The following SDK1 variants were observed in gnomAD, a reference collection of about 807,000 sequenced individuals.
SDK1 encodes the protein protein sidekick-1.
A neutral mutation model predicts 245.5 loss-of-function variants in SDK1; 157 were observed. The observed-to-expected ratio is 0.64, with a 90% confidence interval of 0.56 to 0.73. The LOEUF (loss-of-function observed/expected upper bound fraction) is 0.73, where lower values mean the gene tolerates loss of function less well. SDK1 is among the 30% of genes least tolerant of loss of function. SDK1 has a pLI of 0.00. For synonymous variants in SDK1, 1,647 were observed against 1,278.5 expected (o/e 1.29, Z -6.15); for missense variants, 3,583 against 3,002.3 (o/e 1.19, Z -4.52).
chr7:3,985,520 C>T (rs1480580728), intron 13 of SDK1, among the ~76,000 whole-genome samples: 1 of 152,144 alleles, frequency 6.6e-6, no homozygotes, highest in Non-Finnish European at 1.5e-5. Context: ...GGTGCAGTGG[C>T]TCATGCTTAT....
chr7:3,967,643 C>T (rs946095401), intron 10 of SDK1, among the ~76,000 whole-genome samples: 4 of 152,214 alleles, frequency 2.6e-5, no homozygotes, highest in Non-Finnish European at 5.9e-5. Context: ...CCAGTGGGGG[C>T]TGATGGTCTA....
chr7:4,174,380 G>T (rs1340985653), intron 33 of SDK1, 23 bp downstream of exon 33: 1 of 1,611,840 alleles, frequency 6.2e-7, no homozygotes, highest in African/African-American at 1.3e-5. Flanking sequence ...CCTCTGTCCT[G>T]GTACAGGGAG....
At chr7:3,685,257 G>C (rs912365541) in intron 4 of SDK1, among the ~76,000 whole-genome samples, 12 of 151,764 alleles carry the variant, frequency 7.9e-5, no homozygotes, top group Admixed American at 7.9e-4. Flanking sequence ...ATAAGGGCAG[G>C]TGAAAATGAC....
intron 1 of SDK1, among the ~76,000 whole-genome samples, chr7:3,505,657 G>C (rs775588578): frequency 1.3e-5 from 2 of 152,160 alleles, no homozygotes; most frequent in African/African-American, 4.8e-5. Context: ...CCACTTGTAT[G>C]CTGATTTTTT....
chr7:3,697,128 T>C (rs1028399413), intron 4 of SDK1, among the ~76,000 whole-genome samples: 1 of 152,214 alleles, frequency 6.6e-6, no homozygotes, highest in African/African-American at 2.4e-5. Context: ...ACAGTAAAAG[T>C]AGGGGAAGTG....
In SDK1 at chr7:3,903,863, A is replaced by G. The variant is rs566265302; in HGVS notation, c.848-47060A>G. On this transcript the variant is annotated intron_variant, in intron 5 of 44. Transcript: ENST00000404826. ...TCCCTTGGGAGTGAGTTCTTGCCCT[A>G]TTGGTTCCTGAGAGAGCTGGTTGTT... Among the ~76,000 whole-genome samples, 22 of 152,064 alleles carry G rather than the reference A, an allele frequency of 1.4e-4. 1 individual carries two copies. Among genetic ancestry groups the G allele is most frequent in the South Asian group, 6.3e-4 (3 of 4,800 alleles).
intron 2 of SDK1, among the ~76,000 whole-genome samples, chr7:3,635,460 A>C (rs1428354877): frequency 6.6e-6 from 1 of 152,238 alleles, no homozygotes; most frequent in African/African-American, 2.4e-5. Flanking sequence ...ACTTGAATAA[A>C]AACATGAGCA....
chr7:3,587,635 G>A (rs546260141), intron 1 of SDK1, among the ~76,000 whole-genome samples: 1 of 152,308 alleles, frequency 6.6e-6, no homozygotes, highest in East Asian at 1.9e-4. Context: ...ATCGGGGATG[G>A]CCGTCTGTTT....
intron 19 of SDK1, among the ~76,000 whole-genome samples, chr7:4,062,022 A>T (rs1451464750): frequency 1.3e-5 from 2 of 149,920 alleles, no homozygotes; most frequent in Admixed American, 1.3e-4. Flanking sequence ...TAGGAGATAT[A>T]CCTAATGCTA....
chr7:4,165,916 G>A (rs749067249), intron 32 of SDK1, among the ~76,000 whole-genome samples: 3 of 152,088 alleles, frequency 2.0e-5, no homozygotes, highest in Non-Finnish European at 4.4e-5. Context: ...CCTCCCCAGT[G>A]TCTAGGACTA....
chr7:3,445,822 G>GTT (rs1407683409), intron 1 of SDK1, among the ~76,000 whole-genome samples: 3 of 151,918 alleles, frequency 2.0e-5, no homozygotes, highest in African/African-American at 7.2e-5. Context: ...AGTCTATTGT[G>GTT]TTTACCCATA....
intron 3 of SDK1, 50 bp from the exon 4 acceptor site, chr7:3,641,908 T>TC: frequency 6.5e-7 from 1 of 1,531,384 alleles, no homozygotes; most frequent in South Asian, 1.2e-5. Flanking sequence ...ACCCCTTCCC[T>TC]CCCCCAAAAA....
intron 1 of SDK1, among the ~76,000 whole-genome samples, chr7:3,510,187 C>T (rs1027165958): frequency 1.3e-5 from 2 of 152,190 alleles, no homozygotes; most frequent in Non-Finnish European, 2.9e-5. Flanking sequence ...TTAATTCAAA[C>T]CATTATGTGC....
At chr7:3,522,296 G>C (rs1583993560) in intron 1 of SDK1, among the ~76,000 whole-genome samples, 1 of 152,132 alleles carries the variant, frequency 6.6e-6, no homozygotes, top group Non-Finnish European at 1.5e-5. Context: ...TGAATATAGA[G>C]AGAGCTAAAA....
intron 35 of SDK1, among the ~76,000 whole-genome samples, chr7:4,195,262 C>T (rs902405155): frequency 1.3e-5 from 2 of 152,292 alleles, no homozygotes; most frequent in Admixed American, 6.5e-5. Flanking sequence ...ACCGTGATTT[C>T]TTATAGTCAC....
At chr7:3,798,974 C>T (rs962700755) in intron 4 of SDK1, among the ~76,000 whole-genome samples, 1 of 152,174 alleles carries the variant, frequency 6.6e-6, no homozygotes, top group African/African-American at 2.4e-5. Flanking sequence ...GGTCATTTTT[C>T]TCTTCCCCTC....
At chr7:3,747,265 C>G (rs1329512678) in intron 4 of SDK1, among the ~76,000 whole-genome samples, 1 of 152,154 alleles carries the variant, frequency 6.6e-6, no homozygotes, top group Non-Finnish European at 1.5e-5. Context: ...TATACCATAA[C>G]CAACATTTAG....
chr7:3,640,676 C>G (rs1182147108), intron 3 of SDK1, among the ~76,000 whole-genome samples: 1 of 152,000 alleles, frequency 6.6e-6, no homozygotes, highest in South Asian at 2.1e-4. Context: ...GTATCTCTAG[C>G]TCTTCAATTT....
In SDK1 at chr7:3,822,312, A is replaced by C. The variant is rs1187930818; in HGVS notation, c.847+729A>C. 2.0e-5 allele frequency among the ~76,000 whole-genome samples: 3 copies of C among 152,220 alleles called. No homozygotes were observed. In the East Asian group the frequency reaches 5.8e-4, roughly 29 times the overall value. ...CTTCATGGTATGAAATGAAATTGTC[A>C]TGCGGTTGAGAAAATAGGGTTGAAA... is the stretch of plus-strand genomic sequence containing the variant. On this transcript the variant is annotated intron_variant, in intron 5 of 44. Transcript: ENST00000404826.
Sources: gnomAD v4.1 joint callset for allele counts (sites outside exome capture counted in the v4.1 genomes callset) on GRCh38, gnomAD v4.1.1 for gene constraint, MANE v1.5 for transcripts, NCBI Gene and HGNC (gene_info 2026-07-23, HGNC 2026-07-21) for gene names.